TRIM29: variants seen among roughly 807,000 people sequenced by gnomAD.
The protein encoded by TRIM29 is tripartite motif containing 29, also known as tripartite motif-containing protein 29.
TRIM29 carries 52 observed loss-of-function variants against 57.3 expected under a neutral mutation model. The observed-to-expected ratio is 0.91, with a 90% confidence interval of 0.73 to 1.14. The LOEUF is 1.14. Ranked by LOEUF, TRIM29 falls within the 50% of genes most tolerant of loss-of-function variation. The pLI is 0.00. For synonymous variants in TRIM29, 319 were observed against 316.9 expected (o/e 1.01, Z -0.07); for missense variants, 753 against 774.6 (o/e 0.97, Z 0.33).
At chr11:120,122,804 C>T in intron 5 of TRIM29, 150 bp downstream of exon 5, 5 of 645,536 alleles carry the variant, frequency 7.7e-6, no homozygotes, top group Admixed American at 2.7e-5. Flanking sequence ...CACATCAGGA[C>T]AACACGTAGA....
intron 1 of TRIM29, among the ~76,000 whole-genome samples, chr11:120,130,139 C>A (rs1242430669): frequency 1.3e-5 from 2 of 152,114 alleles, no homozygotes; most frequent in Admixed American, 1.3e-4. Flanking sequence ...CACAGGCTGG[C>A]AGATCCCACA....
intron 7 of TRIM29, 190 bp downstream of exon 7, chr11:120,118,033 G>C: frequency 1.7e-6 from 1 of 600,114 alleles, no homozygotes; most frequent in Non-Finnish European, 3.0e-6. Context: ...AAACGCTGAT[G>C]TGGCCCAGCC....
At chr11:120,131,158 G>A (rs1220118735) in intron 1 of TRIM29, among the ~76,000 whole-genome samples, 2 of 152,188 alleles carry the variant, frequency 1.3e-5, no homozygotes, top group African/African-American at 4.8e-5. Context: ...GGAGTGAGCA[G>A]AAGTGCACAG....
chr11:120,113,333 T>C (rs118083748), intron 8 of TRIM29, among the ~76,000 whole-genome samples: 3 of 152,206 alleles, frequency 2.0e-5, no homozygotes, highest in East Asian at 3.9e-4. Flanking sequence ...CCTGCCCAGA[T>C]AACTTCATCA....
In TRIM29 at chr11:120,130,102, C is replaced by T. The variant is rs148128266; in HGVS notation, c.805-1607G>A. On this transcript the variant is annotated intron_variant, in intron 1 of 8. Coordinates refer to ENST00000341846, the MANE Select transcript of TRIM29 (RefSeq NM_012101.4). ...GAAACTCGACCCTCACACTCTCTGA[C>T]GATGCAGAGCCCAAGAGCCCAGGAA... is the stretch of plus-strand genomic sequence containing the variant. 3.2e-3 allele frequency among the ~76,000 whole-genome samples: 480 copies of T among 152,208 alleles called. 1 individual carries two copies. Among genetic ancestry groups the T allele is most frequent in the African/African-American group, 0.01 (423 of 41,548 alleles).
chr11:120,127,315 G>C (rs1005624854), intron 3 of TRIM29, 21 bp downstream of exon 3: 2 of 1,608,448 alleles, frequency 1.2e-6, no homozygotes, highest in African/African-American at 2.7e-5. Flanking sequence ...GGGCTTGAGT[G>C]ACAGAGGAGT....
In TRIM29 at chr11:120,126,579, G is replaced by A. The variant is rs540365931; in HGVS notation, c.1135-690C>T. 3.1e-4 allele frequency among the ~76,000 whole-genome samples: 47 copies of A among 152,230 alleles called. 2 individuals are homozygous for A. The South Asian group carries it at 8.5e-3, about 28-fold the overall frequency. ...TTTCAACTTTTACACGCCATGCTCA[G>A]TGCTGCCTTTGCACTTCTCATTTCC... On this transcript the variant is annotated intron_variant, in intron 3 of 8. Coordinates refer to ENST00000341846, the MANE Select transcript of TRIM29 (RefSeq NM_012101.4).
At chr11:120,133,198 C>T (rs994112028) in intron 1 of TRIM29, among the ~76,000 whole-genome samples, 12 of 152,208 alleles carry the variant, frequency 7.9e-5, no homozygotes, top group African/African-American at 2.7e-4. Flanking sequence ...CAACAATTCA[C>T]CAGCTGATTC....
At chr11:120,122,180 T>C (rs1863471113) in intron 5 of TRIM29, among the ~76,000 whole-genome samples, 1 of 148,632 alleles carries the variant, frequency 6.7e-6, no homozygotes, top group African/African-American at 2.6e-5. Context: ...CGTGTGTGAA[T>C]TACTGATTAG....
rs201391224 is a variant in TRIM29 at position 120,112,382 on chromosome 11, G to A, written c.*32C>T. On this transcript the variant is annotated 3_prime_UTR_variant, in exon 9 of 9. Transcript: ENST00000341846. ...GCAGCAGGGTCAGGAGGAAGAGCAG[G>A]GGTGTGGCGCCTCGTTCCTTCCGCC... 4.8e-4 allele frequency: 782 copies of A among 1,612,472 alleles called. 4 individuals carry two copies. In the African/African-American group the frequency reaches 9.2e-3, roughly 19 times the overall value.
At chr11:120,121,690 G>T (rs11823092) in intron 5 of TRIM29, 6,383 of 215,312 alleles carry the variant, frequency 0.03, 395 homozygotes, top group African/African-American at 0.13. Flanking sequence ...CTAGGCCCTC[G>T]GGGTGGCATC....
chr11:120,127,524 C>T lies in TRIM29; in HGVS notation c.946G>A (p.Asp316Asn). ...EKAILEQNFR[D>N]LVRDLEKQKE... is the part of the protein sequence containing the mutation. ...TGCTTCTCCAGGTCCCGCACCAGGT[C>T]CCGGAAGTTCTGCTCCAGGATGGCC... The change falls in exon 3 of 9, where the codon GAC (aspartate) becomes AAC (asparagine). Residue 316 changes from aspartate (D) to asparagine (N), a missense_variant. Coordinates refer to ENST00000341846, the MANE Select transcript of TRIM29 (RefSeq NM_012101.4). 7 of 1,614,184 alleles carry T rather than the reference C, an allele frequency of 4.3e-6. No individual in the cohort carries two copies. In the South Asian group the frequency reaches 6.6e-5, roughly 15 times the overall value.
intron 4 of TRIM29, chr11:120,123,295 A>G (rs548441082): frequency 4.4e-5 from 30 of 674,636 alleles, no homozygotes; most frequent in Non-Finnish European, 7.6e-5. Context: ...AAGCCCTTGT[A>G]AATACGATTG....
At chr11:120,124,981 G>T (rs1231575819) in intron 4 of TRIM29, 1 of 152,454 alleles carries the variant, frequency 6.6e-6, no homozygotes, top group African/African-American at 2.4e-5. Context: ...TGGGACACCG[G>T]GTGGGGCCTT....
chr11:120,113,279 T>C (rs1863181483), intron 8 of TRIM29, among the ~76,000 whole-genome samples: 1 of 152,150 alleles, frequency 6.6e-6, no homozygotes, highest in East Asian at 1.9e-4. Flanking sequence ...GCCTTCTCCA[T>C]GTATTGTATC....
intron 6 of TRIM29, among the ~76,000 whole-genome samples, chr11:120,119,830 G>A (rs1373455494): frequency 6.6e-6 from 1 of 152,116 alleles, no homozygotes; most frequent in African/African-American, 2.4e-5. Flanking sequence ...ATGTGACCAG[G>A]AGCCCCCAGG....
chr11:120,123,192 CT>C (rs1863504638), intron 4 of TRIM29, 137 bp from the exon 5 acceptor site: 4 of 591,570 alleles, frequency 6.8e-6, no homozygotes, highest in Non-Finnish European at 1.1e-5. Flanking sequence ...TCCCCAACCT[CT>C]CAGAGAATAT....
chr11:120,119,904 G>T (rs940123758), intron 6 of TRIM29, among the ~76,000 whole-genome samples: 1 of 152,074 alleles, frequency 6.6e-6, no homozygotes, highest in African/African-American at 2.4e-5. Flanking sequence ...TGAGCAAATG[G>T]TCCCCTCAGA....
At chr11:120,132,074 G>T (rs1195467829) in intron 1 of TRIM29, among the ~76,000 whole-genome samples, 1 of 151,530 alleles carries the variant, frequency 6.6e-6, no homozygotes, top group Non-Finnish European at 1.5e-5. Flanking sequence ...TTCAAGAGGC[G>T]CACCTAGAGG....
Sources: allele counts gnomAD v4.1 joint callset (sites outside exome capture counted in the v4.1 genomes callset), GRCh38; gene constraint gnomAD v4.1.1; transcripts MANE v1.5; gene names NCBI Gene and HGNC (gene_info 2026-07-23, HGNC 2026-07-21).